The following CDH13 variants were observed in gnomAD, a reference collection of about 807,000 sequenced individuals.
The protein encoded by CDH13 is cadherin-13.
Under a neutral mutation model 63.8 loss-of-function variants are expected in CDH13, and 24 were observed. That is an observed-to-expected ratio of 0.38 (90% CI 0.27 to 0.53). The LOEUF (loss-of-function observed/expected upper bound fraction) is 0.53, where lower values mean the gene tolerates loss of function less well. CDH13 is among the 20% of genes least tolerant of loss of function. CDH13 has a pLI of 0.85. For synonymous variants in CDH13, 503 were observed against 355.3 expected (o/e 1.42, Z -4.67); for missense variants, 1,049 against 903.1 (o/e 1.16, Z -2.07).
At chr16:83,754,333 C>T (rs1179399779) in intron 11 of CDH13, among the ~76,000 whole-genome samples, 2 of 152,158 alleles carry the variant, frequency 1.3e-5, no homozygotes, top group African/African-American at 4.8e-5. Context: ...GCCTTTCAGA[C>T]TAAGATACTC....
intron 1 of CDH13, among the ~76,000 whole-genome samples, chr16:82,833,932 C>G: frequency 6.6e-6 from 1 of 152,094 alleles, no homozygotes; most frequent in Non-Finnish European, 1.5e-5. Flanking sequence ...TAACAAAACC[C>G]CTTTCTCGAG....
intron 10 of CDH13, among the ~76,000 whole-genome samples, chr16:83,729,962 T>G (rs891765031): frequency 2.0e-5 from 3 of 152,204 alleles, no homozygotes; most frequent in Non-Finnish European, 2.9e-5. Context: ...GTCATTACCG[T>G]GCTTGTGAGA....
chr16:83,483,120 C>G (rs898591578), intron 6 of CDH13, among the ~76,000 whole-genome samples: 3 of 152,208 alleles, frequency 2.0e-5, no homozygotes, highest in Non-Finnish European at 4.4e-5. Flanking sequence ...TGGCCACGGT[C>G]ACGCAGCTTG....
At chr16:83,056,851 C>G (rs1284217907) in intron 3 of CDH13, among the ~76,000 whole-genome samples, 3 of 152,206 alleles carry the variant, frequency 2.0e-5, no homozygotes, top group African/African-American at 7.2e-5. Context: ...CACACGCTCT[C>G]TTGCCTGCTG....
chr16:83,469,433 A>G lies in CDH13; in HGVS notation c.782-17044A>G, dbSNP rs74032562. 6.2e-3 allele frequency among the ~76,000 whole-genome samples: 940 copies of G among 152,296 alleles called. 7 individuals are homozygous for G. The highest frequency in any genetic ancestry group is 0.021 in the African/African-American group (879 of 41,548). On this transcript the variant is annotated intron_variant, in intron 6 of 13. Transcript: ENST00000567109. The stretch of plus-strand genomic sequence containing the variant: ...GTCGGGGGTCGAGCAGGCCTTCCAC[A>G]GTCATTCATACAGGAAAAACATATT...
chr16:83,111,905 C>G (rs2035075596), intron 3 of CDH13, among the ~76,000 whole-genome samples: 1 of 152,154 alleles, frequency 6.6e-6, no homozygotes, highest in African/African-American at 2.4e-5. Flanking sequence ...TCCTGGATCT[C>G]ATGCATGTTA....
At chr16:83,330,824 G>A (rs941402185) in intron 5 of CDH13, among the ~76,000 whole-genome samples, 1 of 152,136 alleles carries the variant, frequency 6.6e-6, no homozygotes, top group Non-Finnish European at 1.5e-5. Flanking sequence ...TCTTAATTCT[G>A]AATGAGTTTC....
rs562240855 is a variant in CDH13, at chr16:83,464,506, C to T, written c.782-21971C>T. On this transcript the variant is annotated intron_variant, in intron 6 of 13. Coordinates refer to ENST00000567109, the MANE Select transcript of CDH13 (RefSeq NM_001257.5). The stretch of plus-strand genomic sequence containing the variant: ...CAGCCTGGGCAACGAGAGTGAAACT[C>T]AGTCTCAAATAAATAAATAAATTTT... Among the ~76,000 whole-genome samples, 390 of 152,246 alleles carry T rather than the reference C, an allele frequency of 2.6e-3. 1 individual carries two copies. The highest frequency in any genetic ancestry group is 4.9e-3 in the Non-Finnish European group (331 of 68,030).
chr16:83,341,219 C>T (rs1413165253), intron 5 of CDH13, among the ~76,000 whole-genome samples: 3 of 152,166 alleles, frequency 2.0e-5, no homozygotes. Flanking sequence ...CCAGTCTTTT[C>T]AAACTAAGGT....
At chr16:82,698,612 C>G (rs555745797) in intron 1 of CDH13, among the ~76,000 whole-genome samples, 3 of 152,298 alleles carry the variant, frequency 2.0e-5, no homozygotes, top group South Asian at 4.1e-4. Context: ...GCATGAGAGA[C>G]AAGCTCAATT....
chr16:82,729,474 G>A (rs1397935406), intron 1 of CDH13, among the ~76,000 whole-genome samples: 1 of 152,070 alleles, frequency 6.6e-6, no homozygotes, highest in African/African-American at 2.4e-5. Context: ...AATAGGCAGT[G>A]ATATTTTGGA....
intron 8 of CDH13, among the ~76,000 whole-genome samples, chr16:83,610,169 T>C (rs1367612330): frequency 6.6e-6 from 1 of 152,148 alleles, no homozygotes; most frequent in African/African-American, 2.4e-5. Flanking sequence ...GTAACGCTGC[T>C]GTGAACATTC....
intron 3 of CDH13, among the ~76,000 whole-genome samples, chr16:83,096,824 G>C (rs930930214): frequency 2.0e-5 from 3 of 152,138 alleles, no homozygotes; most frequent in African/African-American, 4.8e-5. Context: ...ACTTAAAAAT[G>C]ATGATTTTTT....
rs900578070 is a variant in CDH13, at chr16:83,795,644, A to G, written c.*614A>G. ...CACAACCAGCCAGGCAGGTCCACAG[A>G]GAGGGAGAGCAGAGAAAGAAGTCCT... On this transcript the variant is annotated 3_prime_UTR_variant, in exon 14 of 14. Coordinates refer to ENST00000567109, the MANE Select transcript of CDH13 (RefSeq NM_001257.5). 2.6e-5 allele frequency: 4 copies of G among 152,246 alleles called. No homozygotes were observed. The highest frequency in any genetic ancestry group is 2.6e-4 in the Admixed American group (4 of 15,272). The allele number at this position is 152,246 out of a possible 1,614,324, so 9.4% of individuals were successfully genotyped here.
chr16:83,489,542 C>T (rs1369210869), intron 7 of CDH13, among the ~76,000 whole-genome samples: 1 of 152,140 alleles, frequency 6.6e-6, no homozygotes, highest in Non-Finnish European at 1.5e-5. Context: ...AGCATGTTTG[C>T]TGAGGAGGTG....
chr16:82,908,668 C>T (rs552129667), intron 2 of CDH13, among the ~76,000 whole-genome samples: 4 of 152,202 alleles, frequency 2.6e-5, no homozygotes, highest in Admixed American at 2.0e-4. Context: ...CCAGACCTTT[C>T]TCTCACATTT....
intron 1 of CDH13, among the ~76,000 whole-genome samples, chr16:82,745,528 C>T (rs1037727667): frequency 2.4e-4 from 36 of 152,158 alleles, no homozygotes; most frequent in African/African-American, 6.5e-4. Flanking sequence ...CACTTGAACA[C>T]GGGAGGTGGA....
chr16:83,040,387 C>T (rs773505561), intron 3 of CDH13, among the ~76,000 whole-genome samples: 5 of 152,212 alleles, frequency 3.3e-5, no homozygotes, highest in African/African-American at 7.2e-5. Context: ...GGAAGTCAGT[C>T]TGAGTCACAA....
chr16:83,718,795 G>A (rs1909288980), intron 10 of CDH13, among the ~76,000 whole-genome samples: 1 of 152,136 alleles, frequency 6.6e-6, no homozygotes, highest in Admixed American at 6.5e-5. Flanking sequence ...TGCTAATCAT[G>A]TGAAACTACT....
Sources: gnomAD v4.1 joint callset for allele counts (sites outside exome capture counted in the v4.1 genomes callset) on GRCh38, gnomAD v4.1.1 for gene constraint, MANE v1.5 for transcripts, NCBI Gene and HGNC (gene_info 2026-07-23, HGNC 2026-07-21) for gene names.